CTNNA2: variants seen among roughly 807,000 people sequenced by gnomAD.
CTNNA2 encodes catenin alpha-2.
Under a neutral mutation model 101.0 loss-of-function variants are expected in CTNNA2, and 42 were observed. The ratio of observed to expected loss-of-function variants is 0.42; its 90% confidence interval spans 0.32 to 0.54. CTNNA2 has a LOEUF of 0.54. Among genes scored for constraint, CTNNA2 ranks in the 20% least tolerant of loss-of-function variants. The pLI is 0.14. For missense variants in CTNNA2, 871 were observed against 1,223.1 expected (o/e 0.71, Z 4.29); for synonymous variants, 450 against 456.4 (o/e 0.99, Z 0.18).
chr2:79,398,558 G>T (rs1198951809), intron 4 of CTNNA2, among the ~76,000 whole-genome samples: 1 of 151,960 alleles, frequency 6.6e-6, no homozygotes, highest in Non-Finnish European at 1.5e-5. Context: ...CACAGCTCCT[G>T]GAGACTGGAT....
chr2:80,133,330 C>T (rs979008397), intron 7 of CTNNA2, among the ~76,000 whole-genome samples: 3 of 152,266 alleles, frequency 2.0e-5, no homozygotes, highest in Non-Finnish European at 4.4e-5. Flanking sequence ...GTCTCCAGAA[C>T]TATGCAGTAA....
At chr2:80,394,299 A>T (rs953719862) in intron 8 of CTNNA2, among the ~76,000 whole-genome samples, 8 of 152,184 alleles carry the variant, frequency 5.3e-5, no homozygotes, top group Non-Finnish European at 1.0e-4. Flanking sequence ...AGAGGAACCC[A>T]CCACTTCTGA....
intron 3 of CTNNA2, among the ~76,000 whole-genome samples, chr2:79,811,658 C>T (rs1677049899): frequency 1.3e-5 from 2 of 151,982 alleles, no homozygotes; most frequent in Admixed American, 6.6e-5. Context: ...TCAAGTAATG[C>T]CTTCTAACTT....
chr2:79,713,283 T>C (rs1303292831), intron 2 of CTNNA2, among the ~76,000 whole-genome samples: 2 of 152,100 alleles, frequency 1.3e-5, no homozygotes, highest in Non-Finnish European at 2.9e-5. Flanking sequence ...ATTTGGTCGT[T>C]CTAAAAATAT....
intron 7 of CTNNA2, among the ~76,000 whole-genome samples, chr2:80,202,562 C>T (rs1707272072): frequency 6.6e-6 from 1 of 152,080 alleles, no homozygotes; most frequent in African/African-American, 2.4e-5. Context: ...ATTGACTTCC[C>T]TTTCATCTCT....
At chr2:80,465,156 A>G (rs80017304) in intron 9 of CTNNA2, among the ~76,000 whole-genome samples, 2,305 of 152,236 alleles carry the variant, frequency 0.015, 59 homozygotes, top group African/African-American at 0.051. Context: ...GCTGCTTACA[A>G]TCAGGTAGGC....
rs187301448 is a variant in CTNNA2 at position 80,290,481 on chromosome 2, G to A, written c.1057-102730G>A. Among the ~76,000 whole-genome samples the A allele has an allele frequency of 7.4e-4, 113 of 152,008 alleles. 1 individual carries two copies. In the Middle Eastern group the frequency reaches 0.01, roughly 14 times the overall value. On this transcript the variant is annotated intron_variant, in intron 7 of 18. Coordinates refer to ENST00000402739, the MANE Select transcript of CTNNA2 (RefSeq NM_001282597.3). ...CCATGGTGAGGTTGGTGAGGCTCCCGTGATGCTTTTACTTTTTGCTGTTTT... is the reference window on the plus strand; with the variant it reads ...CCATGGTGAGGTTGGTGAGGCTCCCATGATGCTTTTACTTTTTGCTGTTTT...
At chr2:79,574,418 T>C in intron 1 of CTNNA2, among the ~76,000 whole-genome samples, 1 of 152,164 alleles carries the variant, frequency 6.6e-6, no homozygotes, top group Non-Finnish European at 1.5e-5. Context: ...TTTCTTTGTG[T>C]CCATGTGTAT....
intron 1 of CTNNA2, among the ~76,000 whole-genome samples, chr2:79,540,294 C>T (rs904533053): frequency 9.2e-5 from 14 of 152,200 alleles, no homozygotes; most frequent in African/African-American, 2.6e-4. Context: ...TGACCCTCAC[C>T]GTACCTTAGC....
At chr2:79,607,978 G>T (rs188892374) in intron 1 of CTNNA2, among the ~76,000 whole-genome samples, 20,013 of 150,662 alleles carry the variant, frequency 0.13, 2,206 homozygotes, top group African/African-American at 0.31. Context: ...AAGGCAGGTT[G>T]TTTTTTTTTA....
rs1242361751 is a variant in CTNNA2 at position 80,173,941 on chromosome 2, A to G, written c.1057-219270A>G. Among the ~76,000 whole-genome samples, 8 of 152,286 alleles carry G rather than the reference A, an allele frequency of 5.3e-5. No homozygotes were observed. The East Asian group carries it at 1.5e-3, about 29-fold the overall frequency. Reference sequence around the variant, plus strand: ...AAGACTCTTCTTCTCTCCCGCTCCAACACCCTCTACTGACATAATTTAATG... The same window carrying G: ...AAGACTCTTCTTCTCTCCCGCTCCAGCACCCTCTACTGACATAATTTAATG... On this transcript the variant is annotated intron_variant, in intron 7 of 18. Transcript: ENST00000402739.
At position 79,322,154 on chromosome 2, in the gene CTNNA2, C is replaced by T. The variant is rs116558741; in HGVS notation, c.-318+9358C>T. Among the ~76,000 whole-genome samples, 159 of 152,278 alleles carry T rather than the reference C, an allele frequency of 1.0e-3. 2 individuals are homozygous for T. Among genetic ancestry groups the T allele is most frequent in the African/African-American group, 3.7e-3 (153 of 41,548 alleles). The stretch of plus-strand genomic sequence containing the variant: ...CTATCCTGGAAATGATCCCCCAGTC[C>T]GAGATTACCCTCCCGAAGGAGATGT... On this transcript the variant is annotated intron_variant, in intron 3 of 21. Coordinates refer to the CTNNA2 transcript ENST00000466387.
chr2:79,199,323 C>T (rs117127743), intron 2 of CTNNA2, among the ~76,000 whole-genome samples: 7 of 152,076 alleles, frequency 4.6e-5, no homozygotes, highest in Non-Finnish European at 1.0e-4. Context: ...CTATTCTTGT[C>T]CCCACAAATA....
chr2:80,367,937 G>A (rs779486217), intron 7 of CTNNA2, among the ~76,000 whole-genome samples: 2 of 152,084 alleles, frequency 1.3e-5, no homozygotes, highest in South Asian at 2.1e-4. Context: ...GTGACTTTTG[G>A]CAGTTGAGTT....
chr2:79,349,819 T>G (rs1158303236), intron 3 of CTNNA2, among the ~76,000 whole-genome samples: 1 of 152,154 alleles, frequency 6.6e-6, no homozygotes. Context: ...TGAGGTGTGG[T>G]CAATAGTCTG....
chr2:79,790,687 C>A (rs748643474), intron 3 of CTNNA2, among the ~76,000 whole-genome samples: 38 of 152,130 alleles, frequency 2.5e-4, no homozygotes, highest in Non-Finnish European at 5.9e-5. Flanking sequence ...TATCAGTTGG[C>A]TACCAGTTAT....
At chr2:80,531,349 A>G (rs1238920845) in intron 9 of CTNNA2, among the ~76,000 whole-genome samples, 3 of 152,186 alleles carry the variant, frequency 2.0e-5, no homozygotes, top group Non-Finnish European at 4.4e-5. Context: ...GTCTTGGGCT[A>G]CCCATACAGA....
intron 9 of CTNNA2, among the ~76,000 whole-genome samples, chr2:80,536,662 T>C (rs1558561379): frequency 6.6e-6 from 1 of 152,214 alleles, no homozygotes; most frequent in Admixed American, 6.5e-5. Context: ...CATATCACGT[T>C]GGAGTTAAAT....
chr2:79,498,195 G>T (rs901919675), intron 4 of CTNNA2: 3 of 152,218 alleles, frequency 2.0e-5, no homozygotes, highest in African/African-American at 4.8e-5. Flanking sequence ...CAAATTGGCA[G>T]TACTTAGTTC....
Sources: allele counts gnomAD v4.1 joint callset (sites outside exome capture counted in the v4.1 genomes callset), GRCh38; gene constraint gnomAD v4.1.1; transcripts MANE v1.5; gene names NCBI Gene and HGNC (gene_info 2026-07-23, HGNC 2026-07-21).